The following SGSM1 variants were observed in gnomAD, a reference collection of about 807,000 sequenced individuals.
SGSM1 encodes RUN and TBC1 domain containing 2.
In SGSM1, 73 loss-of-function variants were observed where a neutral mutation model predicts 133.8. The observed-to-expected ratio is 0.55, with a 90% CI of 0.45 to 0.66. The LOEUF (loss-of-function observed/expected upper bound fraction) is 0.66, where lower values mean the gene tolerates loss of function less well. Ranked by LOEUF, SGSM1 falls within the 30% of genes least tolerant of loss-of-function variation. The pLI is 0.00. For missense variants in SGSM1, 1,213 were observed against 1,448.1 expected, an observed-to-expected ratio of 0.84 and a Z score of 2.64; for synonymous variants, 563 against 573.0, an observed-to-expected ratio of 0.98 and a Z score of 0.25.
At chr22:24,817,711 C>A (rs112871112) in intron 2 of SGSM1, among the ~76,000 whole-genome samples, 1 of 151,770 alleles carries the variant, frequency 6.6e-6, no homozygotes, top group Non-Finnish European at 1.5e-5. Flanking sequence ...TACCCAAGTA[C>A]GGTTTAGCAT....
At chr22:24,851,577 C>G (rs1035172331) in intron 5 of SGSM1, among the ~76,000 whole-genome samples, 13 of 152,066 alleles carry the variant, frequency 8.5e-5, no homozygotes, top group African/African-American at 2.9e-4. Context: ...CATTCTTTGC[C>G]CCTTTGCAAG....
chr22:24,908,569 G>A (rs1033379617), intron 21 of SGSM1, among the ~76,000 whole-genome samples: 3 of 152,138 alleles, frequency 2.0e-5, no homozygotes, highest in South Asian at 2.1e-4. Flanking sequence ...TTGGGAGGCC[G>A]AGGCGGGCAG....
At chr22:24,888,892 T>A (rs1932751725) in intron 16 of SGSM1, among the ~76,000 whole-genome samples, 1 of 151,984 alleles carries the variant, frequency 6.6e-6, no homozygotes, top group African/African-American at 2.4e-5. Flanking sequence ...CCACTCTGTC[T>A]TGATTATTGT....
chr22:24,847,044 G>T (rs1049956754), intron 3 of SGSM1, among the ~76,000 whole-genome samples: 1 of 151,970 alleles, frequency 6.6e-6, no homozygotes, highest in Non-Finnish European at 1.5e-5. Context: ...GTTTCACTGT[G>T]TTAGCCAGGA....
rs776560671 is a variant in SGSM1 at position 24,898,435 on chromosome 22, A to C, written c.2486A>C (p.Asp829Ala). The C allele has an allele frequency of 6.2e-7, 1 of 1,613,846 alleles. No homozygotes were observed. Among genetic ancestry groups the C allele is most frequent in the South Asian group, 1.1e-5 (1 of 91,070 alleles). ...SSETEKHGQADSEDNLSEEPE... is the reference protein window; with the variant it reads ...SSETEKHGQAASEDNLSEEPE... The stretch of plus-strand genomic sequence containing the variant: ...GAGACAGAGAAACATGGCCAGGCGG[A>C]CAGTGAGGACAACCTCTCGGAGGAG... The change falls in exon 19 of 25, where the codon GAC becomes GCC. Residue 829 changes from aspartate (D) to alanine (A), a missense_variant. Asp to Ala is a moderately radical substitution (Grantham distance 126, BLOSUM62 -2). Coordinates refer to ENST00000400358, the MANE Select transcript of SGSM1 (RefSeq NM_001098497.3).
At position 24,898,268 on chromosome 22, in the gene SGSM1, G is replaced by C. The variant is rs966291339; in HGVS notation, c.2319G>C (p.Arg773=). The part of the protein sequence containing the change: ...EATTSQDEAP[R]EELAVQDSLE... ...CCACATCTCAGGATGAGGCTCCCCG[G>C]GAGGAGCTGGCCGTGCAGGACAGCC... Residue 773 remains arginine, a synonymous_variant, in exon 19 of 25, where the codon CGG becomes CGC. Transcript: ENST00000400358. 1 of 1,613,866 alleles carries C rather than the reference G, an allele frequency of 6.2e-7. No homozygotes were observed. The highest frequency in any genetic ancestry group is 2.2e-5 in the East Asian group (1 of 44,868).
Position 24,868,374 on chromosome 22 carries a change from A to C in SGSM1, c.995-2A>C, listed in dbSNP as rs1326659154. On this transcript the variant is annotated splice_acceptor_variant, in intron 10 of 24. Coordinates refer to ENST00000400358, the MANE Select transcript of SGSM1 (RefSeq NM_001098497.3). LOFTEE classifies it high-confidence loss of function. ...GTCTTCTCTGGCTGGTGGTGGCGGC[A>C]GTTGACAGCGGCGGGACAGTGGTAT... The C allele has an allele frequency of 6.2e-7, 1 of 1,606,146 alleles. No individual in the cohort carries two copies. Among genetic ancestry groups the C allele is most frequent in the East Asian group, 2.2e-5 (1 of 44,676 alleles).
chr22:24,818,168 G>A (rs927255928), intron 2 of SGSM1, among the ~76,000 whole-genome samples: 3 of 151,270 alleles, frequency 2.0e-5, no homozygotes, highest in Admixed American at 2.0e-4. Context: ...GGAGGCAGAG[G>A]TAGCAGTGAG....
chr22:24,884,281 C>G (rs1471549543), intron 15 of SGSM1, 83 bp downstream of exon 15: 2 of 1,496,604 alleles, frequency 1.3e-6, no homozygotes. Flanking sequence ...AGCCCACATG[C>G]TTGTGGGGAC....
Position 24,924,290 on chromosome 22 carries a change from G to A in SGSM1, c.*16G>A, listed in dbSNP as rs1287318507. On this transcript the variant is annotated 3_prime_UTR_variant, in exon 25 of 25. Transcript: ENST00000400358. ...GAACAAGTGAGGGGCACCTCACCCC[G>A]GCAGCCTCAGCCAAGCTGCCCCTGC... 13 of 1,609,884 alleles carry A rather than the reference G, an allele frequency of 8.1e-6. No homozygotes were observed. Among genetic ancestry groups the A allele is most frequent in the African/African-American group, 2.7e-5 (2 of 74,940 alleles).
chr22:24,897,088 G>A (rs1025482277), intron 18 of SGSM1, among the ~76,000 whole-genome samples: 7 of 152,010 alleles, frequency 4.6e-5, no homozygotes, highest in African/African-American at 1.7e-4. Context: ...CCTTCTCAGA[G>A]TCAACTGCAC....
chr22:24,809,285 C>T (rs934330171), intron 2 of SGSM1, among the ~76,000 whole-genome samples: 3 of 152,224 alleles, frequency 2.0e-5, no homozygotes, highest in East Asian at 1.9e-4. Context: ...GATCTCCCTC[C>T]TCCCCACTCT....
intron 21 of SGSM1, among the ~76,000 whole-genome samples, chr22:24,906,325 A>G (rs1471483942): frequency 6.6e-6 from 1 of 152,194 alleles, no homozygotes; most frequent in East Asian, 1.9e-4. Flanking sequence ...AAAACTGAAC[A>G]CTTCCTCCCT....
intron 2 of SGSM1, among the ~76,000 whole-genome samples, chr22:24,824,599 T>C (rs1427152434): frequency 1.3e-5 from 1 of 79,128 alleles, no homozygotes. Flanking sequence ...TGTTTCTCCC[T>C]GATACAATGT....
At chr22:24,855,495 G>A (rs1930718507) in intron 7 of SGSM1, 54 bp from the exon 8 acceptor site, 2 of 1,612,910 alleles carry the variant, frequency 1.2e-6, no homozygotes, top group South Asian at 2.2e-5. Flanking sequence ...CAGGGTAGGA[G>A]CCCTGAAAAT....
chr22:24,837,776 A>G (rs1269155298), intron 2 of SGSM1, among the ~76,000 whole-genome samples: 3 of 152,148 alleles, frequency 2.0e-5, no homozygotes, highest in African/African-American at 4.8e-5. Flanking sequence ...ACACCTCACT[A>G]TGTCCCCTCA....
At chr22:24,853,769 A>ATTTT (rs57736929) in intron 5 of SGSM1, among the ~76,000 whole-genome samples, 2,009 of 123,334 alleles carry the variant, frequency 0.016, 63 homozygotes, top group African/African-American at 0.061. Context: ...CGCCTGGTGA[A>ATTTT]TTTTTTTTTT....
intron 9 of SGSM1, among the ~76,000 whole-genome samples, chr22:24,865,583 A>G (rs942557203): frequency 6.6e-6 from 1 of 152,192 alleles, no homozygotes; most frequent in African/African-American, 2.4e-5. Context: ...GAACTGGCTA[A>G]GGTCTCTGGT....
At chr22:24,882,740 T>G (rs183012932) in intron 14 of SGSM1, among the ~76,000 whole-genome samples, 15 of 152,260 alleles carry the variant, frequency 9.9e-5, no homozygotes, top group Non-Finnish European at 1.8e-4. Flanking sequence ...TAGATCCCAT[T>G]ATAAGTAAGA....
Sources: gnomAD v4.1 joint callset for allele counts (sites outside exome capture counted in the v4.1 genomes callset) on GRCh38, gnomAD v4.1.1 for gene constraint, MANE v1.5 for transcripts, NCBI Gene and HGNC (gene_info 2026-07-23, HGNC 2026-07-21) for gene names.